ZNF341: variants seen among roughly 807,000 people sequenced by gnomAD.
ZNF341 encodes the protein zinc finger protein 341.
In ZNF341, 52 loss-of-function variants were observed where a neutral mutation model predicts 87.7. The observed-to-expected ratio is 0.59, with a 90% CI of 0.47 to 0.75. The LOEUF (loss-of-function observed/expected upper bound fraction) is 0.75. Ranked by LOEUF, ZNF341 falls within the 30% of genes least tolerant of loss-of-function variation. ZNF341 has a pLI of 0.00. For missense variants in ZNF341, 977 were observed against 1,145.9 expected (o/e 0.85, Z 2.13); for synonymous variants, 459 against 472.7 (o/e 0.97, Z 0.38).
intron 2 of ZNF341, among the ~76,000 whole-genome samples, chr20:33,743,974 G>T (rs942741569): frequency 2.6e-5 from 4 of 152,116 alleles, no homozygotes; most frequent in Non-Finnish European, 5.9e-5. Context: ...AACTATAGCC[G>T]CTGGCTTTAG....
intron 4 of ZNF341, among the ~76,000 whole-genome samples, chr20:33,751,227 C>T (rs560454444): frequency 7.9e-5 from 12 of 152,072 alleles, no homozygotes; most frequent in African/African-American, 2.4e-4. Context: ...ACATCTTTGC[C>T]CACCTGCTTG....
intron 2 of ZNF341, among the ~76,000 whole-genome samples, chr20:33,742,446 C>T (rs1207927438): frequency 3.9e-5 from 6 of 152,244 alleles, no homozygotes; most frequent in Non-Finnish European, 4.4e-5. Flanking sequence ...TCACCCGCCT[C>T]GGCCTCCCAA....
chr20:33,739,579 C>T (rs1392720756), intron 1 of ZNF341, among the ~76,000 whole-genome samples: 2 of 152,144 alleles, frequency 1.3e-5, no homozygotes, highest in Non-Finnish European at 2.9e-5. Context: ...TTGTTTATTG[C>T]AGAACAAAAA....
At position 33,766,861 on chromosome 20, in the gene ZNF341, G is replaced by C. The variant is rs750440576; in HGVS notation, c.1233G>C (p.Gln411His). 1.9e-6 allele frequency: 3 copies of C among 1,609,718 alleles called. No individual in the cohort carries two copies. The African/African-American group carries it at 4.0e-5, about 21-fold the overall frequency. Residue 411 changes from glutamine to histidine, a missense_variant, in exon 9 of 15, where the codon CAG becomes CAC. Physicochemically the swap from Gln to His is conservative, Grantham distance 24. Transcript: ENST00000375200. The stretch of plus-strand genomic sequence containing the variant: ...TGGCTTTCTCCACAGGGTTGGGCCA[G>C]CCCCTGCCGGGTGCGCCACAGCCCC... The part of the protein sequence containing the change: ...QEDEESTGLG[Q>H]PLPGAPQPQA...
intron 4 of ZNF341, among the ~76,000 whole-genome samples, chr20:33,752,939 C>A (rs1157582142): frequency 1.3e-5 from 2 of 152,152 alleles, no homozygotes; most frequent in African/African-American, 4.8e-5. Context: ...TGAGCCACTG[C>A]GCCCGGCCAT....
intron 1 of ZNF341, among the ~76,000 whole-genome samples, chr20:33,739,675 A>G (rs746719355): frequency 5.3e-5 from 8 of 152,216 alleles, no homozygotes; most frequent in Non-Finnish European, 8.8e-5. Context: ...GCATGAGGAA[A>G]ACTGGCTAAC....
At chr20:33,757,685 A>G (rs771113739) in intron 6 of ZNF341, among the ~76,000 whole-genome samples, 1 of 152,202 alleles carries the variant, frequency 6.6e-6, no homozygotes, top group Non-Finnish European at 1.5e-5. Context: ...TATTCCAGGC[A>G]GTAAGAAGAA....
At chr20:33,755,227 G>A (rs1004004971) in intron 5 of ZNF341, among the ~76,000 whole-genome samples, 4 of 152,230 alleles carry the variant, frequency 2.6e-5, no homozygotes, top group African/African-American at 9.6e-5. Context: ...TTACAGGCAT[G>A]AGCCACCACA....
At chr20:33,751,498 C>G (rs1261077452) in intron 4 of ZNF341, among the ~76,000 whole-genome samples, 2 of 152,162 alleles carry the variant, frequency 1.3e-5, no homozygotes, top group African/African-American at 4.8e-5. Context: ...GCAGTGAAGT[C>G]TAGCAACATG....
At position 33,761,906 on chromosome 20, in the gene ZNF341, C is replaced by T; in HGVS notation, c.1073C>T (p.Ala358Val). The stretch of plus-strand genomic sequence containing the variant: ...TTCCAGTGCATTGCATGTGGCCGTG[C>T]CTTTGCCCAGAAGTCTAATGTTAAG... The part of the protein sequence containing the change: ...KPFQCIACGR[A>V]FAQKSNVKKH... The change falls in exon 8 of 15, where the codon GCC becomes GTC. Residue 358 changes from alanine (A) to valine (V), a missense_variant. Physicochemically the swap from Ala to Val is moderately conservative, Grantham distance 64. This residue lies in a region of ZNF341 where 515 missense variants were observed against 598.2 expected (regional missense o/e 0.86). Transcript: ENST00000375200. 2 of 1,593,778 alleles carry T rather than the reference C, an allele frequency of 1.3e-6. No individual in the cohort carries two copies. The highest frequency in any genetic ancestry group is 1.7e-6 in the Non-Finnish European group (2 of 1,165,096).
chr20:33,756,471 A>T (rs2019181744), intron 5 of ZNF341, among the ~76,000 whole-genome samples: 1 of 150,572 alleles, frequency 6.6e-6, no homozygotes, highest in African/African-American at 2.4e-5. Context: ...GGCTCAAGTG[A>T]TTCTCCTGCC....
In ZNF341 at chr20:33,791,154, C is replaced by T. The variant is rs2020014173; in HGVS notation, c.2202C>T (p.Gly734=). 8.7e-6 allele frequency: 14 copies of T among 1,613,232 alleles called. No individual in the cohort carries two copies. Among genetic ancestry groups the T allele is most frequent in the Non-Finnish European group, 1.2e-5 (14 of 1,180,000 alleles). ...TCAAAGATCACCGCTGTCGTCTCGG[C>T]CCCCAAAAGGACAAGGACCTGCAAA... ...KYLKDHRCRL[G]PQKDKDLQTR... is the part of the protein sequence containing the mutation. Residue 734 remains glycine, a synonymous_variant, in exon 15 of 15, where the codon GGC becomes GGT. Transcript: ENST00000375200.
intron 9 of ZNF341, among the ~76,000 whole-genome samples, 162 bp from the exon 10 acceptor site, chr20:33,769,922 A>G (rs965389790): frequency 6.6e-6 from 1 of 152,130 alleles, no homozygotes; most frequent in Admixed American, 6.6e-5. Flanking sequence ...AAAATGAATG[A>G]ATGAATGAAT....
chr20:33,789,320 G>A (rs2019946639), intron 13 of ZNF341, among the ~76,000 whole-genome samples, 198 bp from the exon 14 acceptor site: 1 of 152,146 alleles, frequency 6.6e-6, no homozygotes, highest in South Asian at 2.1e-4. Flanking sequence ...TGAGATTACA[G>A]GCGTGAGCCA....
At chr20:33,767,278 T>G (rs972184276) in intron 9 of ZNF341, among the ~76,000 whole-genome samples, 1 of 152,160 alleles carries the variant, frequency 6.6e-6, no homozygotes, top group Non-Finnish European at 1.5e-5. Context: ...CCACCCAGCG[T>G]AAGGACTCTG....
rs77790403 is a variant in ZNF341, at chr20:33,746,860, G to A, written c.339+1561G>A. 9.3e-3 allele frequency among the ~76,000 whole-genome samples: 1,410 copies of A among 152,288 alleles called. 11 individuals are homozygous for A. The highest frequency in any genetic ancestry group is 0.016 in the Non-Finnish European group (1,121 of 68,018). On this transcript the variant is annotated intron_variant, in intron 3 of 14. Coordinates refer to ENST00000375200, the MANE Select transcript of ZNF341 (RefSeq NM_001282933.2). ...GGTCACAGAGGACTCCTGATTTAGAGTTGCCACTAGCTGAAGGGAGGAGGC... is the reference window on the plus strand; with the variant it reads ...GGTCACAGAGGACTCCTGATTTAGAATTGCCACTAGCTGAAGGGAGGAGGC...
rs745616255 is a variant in ZNF341 at position 33,784,646 on chromosome 20, G to A, written c.1852+782G>A. Among the ~76,000 whole-genome samples the A allele has an allele frequency of 7.3e-4, 109 of 148,724 alleles. 1 individual carries two copies. Among genetic ancestry groups the A allele is most frequent in the Middle Eastern group, 7.0e-3 (2 of 284 alleles). ...TTTTTTTTCTTTGAGACAAAGTCTC[G>A]CTCTTGTTGCCCAGGCTGGAGTGCG... On this transcript the variant is annotated intron_variant, in intron 12 of 14. Coordinates refer to ENST00000375200, the MANE Select transcript of ZNF341 (RefSeq NM_001282933.2).
At chr20:33,783,897 GCCCCT>G in intron 12 of ZNF341, 33 bp downstream of exon 12, 1 of 1,574,234 alleles carries the variant, frequency 6.4e-7, no homozygotes, top group Non-Finnish European at 8.6e-7. Flanking sequence ...CTCCAGCCCA[GCCCCT>G]CCCCTCCCCC....
rs1044245204 is a variant in ZNF341, at chr20:33,791,741, C to T, written c.*224C>T. 5.9e-6 allele frequency: 3 copies of T among 504,332 alleles called. No homozygotes were observed. The highest frequency in any genetic ancestry group is 3.0e-5 in the East Asian group (1 of 33,318). The allele number at this position is 504,332 out of a possible 1,614,324, so 31.2% of individuals were successfully genotyped here. A position where few individuals can be genotyped will look rare whatever the true frequency, so the allele number is the denominator to read the frequency against. ...CTAGGGTTGGGGGCAGGGCCATCCACGGTTTCTGGGCAGAGCCATGGTGGC... is the reference window on the plus strand; with the variant it reads ...CTAGGGTTGGGGGCAGGGCCATCCATGGTTTCTGGGCAGAGCCATGGTGGC... On this transcript the variant is annotated 3_prime_UTR_variant, in exon 15 of 15. Coordinates refer to ENST00000375200, the MANE Select transcript of ZNF341 (RefSeq NM_001282933.2).
Sources: gnomAD v4.1 joint callset for allele counts (sites outside exome capture counted in the v4.1 genomes callset) on GRCh38, gnomAD v4.1.1 for gene constraint, gnomAD v4.1.1 regional missense constraint, MANE v1.5 for transcripts, NCBI Gene and HGNC (gene_info 2026-07-23, HGNC 2026-07-21) for gene names.